Variants in CSMD1 observed in about 807,000 individuals in gnomAD.
CSMD1 encodes CUB and sushi domain-containing protein 1.
A neutral mutation model predicts 417.5 loss-of-function variants in CSMD1; 213 were observed. That is an observed-to-expected ratio of 0.51 (90% CI 0.46 to 0.57). The LOEUF (loss-of-function observed/expected upper bound fraction) is 0.57, where lower values mean the gene tolerates loss of function less well. CSMD1 is among the 20% of genes least tolerant of loss of function. The pLI is 0.00. For synonymous variants in CSMD1, 2,862 were observed against 1,736.8 expected (o/e 1.65, Z -16.11); for missense variants, 6,923 against 4,529.7 (o/e 1.53, Z -15.17).
chr8:3,833,351 T>C (rs573756074), intron 5 of CSMD1, among the ~76,000 whole-genome samples: 3 of 152,252 alleles, frequency 2.0e-5, no homozygotes, highest in Non-Finnish European at 1.5e-5. Context: ...GGCCATTTTA[T>C]ATACAACGGC....
Position 3,921,040 on chromosome 8 carries a change from G to C in CSMD1, c.818+76863C>G, listed in dbSNP as rs948002090. 3.9e-5 allele frequency among the ~76,000 whole-genome samples: 6 copies of C among 152,228 alleles called. No homozygotes were observed. The East Asian group carries it at 1.2e-3, about 29-fold the overall frequency. On this transcript the variant is annotated intron_variant, in intron 5 of 69. Transcript: ENST00000635120. Reference sequence around the variant, plus strand: ...AGGTTTCCGAAAGAGTTTGAAAAGCGTTGGTTTAGTGTTTCTTTAAATGTT... The same window carrying C: ...AGGTTTCCGAAAGAGTTTGAAAAGCCTTGGTTTAGTGTTTCTTTAAATGTT...
At chr8:4,757,264 T>C (rs1452659514) in intron 1 of CSMD1, among the ~76,000 whole-genome samples, 1 of 152,182 alleles carries the variant, frequency 6.6e-6, no homozygotes, top group Non-Finnish European at 1.5e-5. Flanking sequence ...TTTTAAAAGT[T>C]TGCAAAATGA....
intron 5 of CSMD1, among the ~76,000 whole-genome samples, chr8:3,957,335 TTA>T (rs965833400): frequency 2.0e-5 from 3 of 151,952 alleles, no homozygotes; most frequent in Non-Finnish European, 4.4e-5. Flanking sequence ...CAACAAATAT[TTA>T]TGAGTGTGTT....
chr8:3,482,026 A>G (rs1290501953), intron 11 of CSMD1, among the ~76,000 whole-genome samples: 3 of 152,218 alleles, frequency 2.0e-5, no homozygotes, highest in South Asian at 4.1e-4. Context: ...CACTTTGAAA[A>G]CTACAAAGAA....
chr8:4,332,960 A>T (rs1049034369), intron 3 of CSMD1, among the ~76,000 whole-genome samples: 2 of 151,950 alleles, frequency 1.3e-5, no homozygotes, highest in Admixed American at 6.6e-5. Flanking sequence ...AAAAAAAACT[A>T]AGATTTCTGC....
chr8:4,026,223 C>G (rs940536227), intron 4 of CSMD1, among the ~76,000 whole-genome samples: 2 of 152,142 alleles, frequency 1.3e-5, no homozygotes, highest in African/African-American at 2.4e-5. Flanking sequence ...CCATGAGAAA[C>G]TGTGCTGCAT....
At chr8:3,062,569 A>AG (rs398006941) in intron 49 of CSMD1, among the ~76,000 whole-genome samples, 3 of 151,796 alleles carry the variant, frequency 2.0e-5, no homozygotes, top group African/African-American at 7.3e-5. Context: ...AAAAAAAAAA[A>AG]GCCCAGCAGC....
intron 3 of CSMD1, among the ~76,000 whole-genome samples, chr8:4,294,003 AG>A (rs1414569315): frequency 6.6e-6 from 1 of 152,208 alleles, no homozygotes; most frequent in African/African-American, 2.4e-5. Context: ...GTGTATAAAA[AG>A]TTTTAGGATA....
At chr8:4,775,075 A>C (rs1796780927) in intron 1 of CSMD1, among the ~76,000 whole-genome samples, 1 of 152,198 alleles carries the variant, frequency 6.6e-6, no homozygotes. Flanking sequence ...CAGAAGGAAA[A>C]ATTTAAAAGG....
chr8:4,854,699 T>C (rs2116846840), intron 1 of CSMD1, among the ~76,000 whole-genome samples: 1 of 152,242 alleles, frequency 6.6e-6, no homozygotes, highest in Non-Finnish European at 1.5e-5. Context: ...TACTGCCCTT[T>C]TCCGACGGGC....
intron 42 of CSMD1, among the ~76,000 whole-genome samples, chr8:3,116,242 T>C (rs912595717): frequency 6.6e-6 from 1 of 152,244 alleles, no homozygotes; most frequent in African/African-American, 2.4e-5. Flanking sequence ...TTTCAATATT[T>C]ATGATAAACT....
intron 5 of CSMD1, among the ~76,000 whole-genome samples, chr8:3,997,563 C>T (rs544794232): frequency 1.9e-4 from 29 of 152,304 alleles, no homozygotes; most frequent in African/African-American, 6.7e-4. Context: ...AGAAAATACA[C>T]AATCTAAAAA....
chr8:4,254,240 C>T (rs1326658194), intron 3 of CSMD1, among the ~76,000 whole-genome samples: 6 of 152,032 alleles, frequency 3.9e-5, no homozygotes, highest in Admixed American at 6.6e-5. Flanking sequence ...TTAGCTTTCC[C>T]TCTCTTCACC....
intron 5 of CSMD1, among the ~76,000 whole-genome samples, chr8:3,792,150 C>T (rs1015517659): frequency 2.6e-5 from 4 of 152,008 alleles, no homozygotes; most frequent in Non-Finnish European, 5.9e-5. Context: ...AACAATTAGC[C>T]AGGTGTCATG....
At chr8:2,985,950 G>A (rs1478726371) in intron 54 of CSMD1, among the ~76,000 whole-genome samples, 1 of 143,722 alleles carries the variant, frequency 7.0e-6, no homozygotes, top group Non-Finnish European at 1.5e-5. Context: ...GGAAGGGGAA[G>A]GGGAAGGGGA....
At chr8:3,769,280 A>G (rs1330622020) in intron 5 of CSMD1, among the ~76,000 whole-genome samples, 1 of 152,164 alleles carries the variant, frequency 6.6e-6, no homozygotes, top group Non-Finnish European at 1.5e-5. Flanking sequence ...GTAACAAACT[A>G]TAGCTAAATA....
At chr8:4,925,215 GTTTTTTTTTTTT>G (rs10692207) in intron 1 of CSMD1, among the ~76,000 whole-genome samples, 1 of 72,734 alleles carries the variant, frequency 1.4e-5, no homozygotes, top group African/African-American at 5.5e-5. Context: ...CAGTTTTATG[GTTTTTTTTTTTT>G]TTTTTTTTTT....
At chr8:3,835,383 C>T (rs1223365836) in intron 5 of CSMD1, among the ~76,000 whole-genome samples, 9 of 151,986 alleles carry the variant, frequency 5.9e-5, no homozygotes, top group Admixed American at 3.3e-4. Flanking sequence ...GAATACTACG[C>T]AGCCATAAAA....
At chr8:4,903,009 TAATAAATAAATA>T (rs3038343) in intron 1 of CSMD1, among the ~76,000 whole-genome samples, 66,410 of 144,258 alleles carry the variant, frequency 0.46, 16,171 homozygotes, top group Admixed American at 0.59. Flanking sequence ...ATAATATTAA[TAATAAATAAATA>T]AATAAATAAA....
Sources: allele counts gnomAD v4.1 joint callset (sites outside exome capture counted in the v4.1 genomes callset), GRCh38; gene constraint gnomAD v4.1.1; transcripts MANE v1.5; gene names NCBI Gene and HGNC (gene_info 2026-07-23, HGNC 2026-07-21).